The following INSIG2 variants were observed in gnomAD, a reference collection of about 807,000 sequenced individuals.
INSIG2 encodes the protein insulin-induced gene 2 protein.
INSIG2 carries 10 observed loss-of-function variants against 27.2 expected under a neutral mutation model. That is an observed-to-expected ratio of 0.37 (90% confidence interval 0.23 to 0.62). The LOEUF is 0.62. Ranked by LOEUF, INSIG2 falls within the 20% of genes least tolerant of loss-of-function variation. The pLI, the probability that INSIG2 is intolerant of heterozygous loss-of-function variation, is 0.65. For missense variants in INSIG2, 178 were observed against 270.2 expected (o/e 0.66, Z 2.39); for synonymous variants, 97 against 95.8 (o/e 1.01, Z -0.07).
chr2:118,108,301 A>AG lies in INSIG2; in HGVS notation c.658dup (p.Glu220GlyfsTer27). On this transcript the variant is annotated frameshift_variant, in exon 6 of 6. Transcript: ENST00000245787. LOFTEE classifies it high-confidence loss of function. ...TGCAGTACGAATGTAAAGTTATCGCAGAAAAATCTCATCAGGAATGAAGAA... is the reference window on the plus strand; with the variant it reads ...TGCAGTACGAATGTAAAGTTATCGCAGGAAAAATCTCATCAGGAATGAAGAA... 1.3e-6 allele frequency: 2 copies of AG among 1,596,162 alleles called. No individual in the cohort carries two copies. Among genetic ancestry groups the AG allele is most frequent in the Non-Finnish European group, 1.7e-6 (2 of 1,171,810 alleles).
rs898936586 is a variant in INSIG2 at position 118,096,401 on chromosome 2, T to G, written c.-138-18T>G. Reference sequence around the variant, plus strand: ...TGTATTAGATACACATTAATTTCTTTTTTCTTATCTCTTGCAGGATTTCTG... The same window carrying G: ...TGTATTAGATACACATTAATTTCTTGTTTCTTATCTCTTGCAGGATTTCTG... On this transcript the variant is annotated intron_variant, in intron 1 of 5. Coordinates refer to ENST00000245787, the MANE Select transcript of INSIG2 (RefSeq NM_016133.4). 7.7e-6 allele frequency: 5 copies of G among 650,420 alleles called. No homozygotes were observed. The African/African-American group carries it at 9.1e-5, about 12-fold the overall frequency. 40.3% of individuals were successfully genotyped at this position (650,420 alleles called of 1,614,324 possible).
intron 3 of INSIG2, among the ~76,000 whole-genome samples, chr2:118,104,917 G>A (rs1040285095): frequency 6.6e-6 from 1 of 152,146 alleles, no homozygotes; most frequent in African/African-American, 2.4e-5. Context: ...CTTTCTCAAT[G>A]AAATACTTAA....
intron 1 of INSIG2, among the ~76,000 whole-genome samples, chr2:118,092,932 GATT>G (rs377561223): frequency 7.8e-4 from 109 of 140,152 alleles, no homozygotes; most frequent in Middle Eastern, 3.8e-3. Context: ...AAAGCAACCA[GATT>G]ATGATGATGA....
Position 118,108,729 on chromosome 2 carries a change from G to C in INSIG2, c.*407G>C, listed in dbSNP as rs1379820310. The C allele has an allele frequency of 6.5e-6, 1 of 153,842 alleles. No homozygotes were observed. The highest frequency in any genetic ancestry group is 1.9e-4 in the East Asian group (1 of 5,246). The allele number at this position is 153,842 out of a possible 1,614,324, so 9.5% of individuals were successfully genotyped here. ...TTGTAGACTTAGTGAAATAAAATAA[G>C]AGGAAAGCCAAAAACAAACAAACAA... On this transcript the variant is annotated 3_prime_UTR_variant, in exon 6 of 6. Coordinates refer to ENST00000245787, the MANE Select transcript of INSIG2 (RefSeq NM_016133.4).
Position 118,101,726 on chromosome 2 carries a change from C to G in INSIG2, c.245-1471C>G, listed in dbSNP as rs370550831. 2.0e-5 allele frequency among the ~76,000 whole-genome samples: 3 copies of G among 152,224 alleles called. No individual in the cohort carries two copies. In the East Asian group the frequency reaches 5.8e-4, roughly 29 times the overall value. ...TTAAAATCCTGTCAGTTAATCTTGT[C>G]AGGATTTTGGAGCAGATTTTTAAAT... is the stretch of plus-strand genomic sequence containing the variant. On this transcript the variant is annotated intron_variant, in intron 2 of 5. Transcript: ENST00000245787.
intron 2 of INSIG2, among the ~76,000 whole-genome samples, chr2:118,097,645 A>G (rs1387270264): frequency 6.6e-6 from 1 of 152,218 alleles, no homozygotes; most frequent in Non-Finnish European, 1.5e-5. Flanking sequence ...TTTTCTAATG[A>G]CCAAGACCAA....
Position 118,106,744 on chromosome 2 carries a change from A to T in INSIG2, c.377A>T (p.Asp126Val). The T allele has an allele frequency of 6.2e-7, 1 of 1,613,088 alleles. No individual in the cohort carries two copies. Among genetic ancestry groups the T allele is most frequent in the Non-Finnish European group, 8.5e-7 (1 of 1,179,454 alleles). ...VGINHASAKVDFDNNIQLSLT... is the reference protein window; with the variant it reads ...VGINHASAKVVFDNNIQLSLT... ...TCTTAACACTGATCTCAGAAAGTGG[A>T]TTTCGATAACAACATACAGTTGTCT... The change falls in exon 4 of 6, where the codon GAT (aspartate) becomes GTT (valine). Residue 126 changes from aspartate (D) to valine (V), a missense_variant. Physicochemically the swap from Asp to Val is radical, Grantham distance 152. Transcript: ENST00000245787.
In INSIG2 at chr2:118,110,846, C is replaced by T. The variant is rs911708227; in HGVS notation, c.*2524C>T. The T allele has an allele frequency of 2.6e-5, 4 of 152,134 alleles. No homozygotes were observed. In the South Asian group the frequency reaches 8.3e-4, roughly 31 times the overall value. The allele number at this position is 152,134 out of a possible 1,614,324, so 9.4% of individuals were successfully genotyped here. On this transcript the variant is annotated 3_prime_UTR_variant, in exon 6 of 6. Transcript: ENST00000245787. Reference sequence around the variant, plus strand: ...CAAATTAGCCAGAGCCCTGCTAAAACTTTTAATGTAAAATTTATTTATTTG... The same window carrying T: ...CAAATTAGCCAGAGCCCTGCTAAAATTTTTAATGTAAAATTTATTTATTTG...
chr2:118,099,418 A>G (rs1678488942), intron 2 of INSIG2, among the ~76,000 whole-genome samples: 1 of 152,234 alleles, frequency 6.6e-6, no homozygotes, highest in African/African-American at 2.4e-5. Flanking sequence ...TGGGACAACT[A>G]ATAGAGAACT....
Position 118,100,439 on chromosome 2 carries a change from C to T in INSIG2, c.245-2758C>T, listed in dbSNP as rs374385290. Among the ~76,000 whole-genome samples the T allele has an allele frequency of 7.4e-5, 9 of 122,010 alleles. No individual in the cohort carries two copies. In the East Asian group the frequency reaches 1.6e-3, roughly 22 times the overall value. 80.0% of individuals were successfully genotyped at this position (122,010 alleles called of 152,430 possible). A position where few individuals can be genotyped will look rare whatever the true frequency, so the allele number is the denominator to read the frequency against. On this transcript the variant is annotated intron_variant, in intron 2 of 5. Transcript: ENST00000245787. ...CGTCACCTGGGCTGGAGTGCAGTGG[C>T]GCCATCTCGGCTTACTGCAACCTCC...
Position 118,092,655 on chromosome 2 carries a change from G to T in INSIG2, c.-138-3764G>T, listed in dbSNP as rs949805105. On this transcript the variant is annotated intron_variant, in intron 1 of 5. Coordinates refer to ENST00000245787, the MANE Select transcript of INSIG2 (RefSeq NM_016133.4). The stretch of plus-strand genomic sequence containing the variant: ...GATACTGCATGTCATGTGACCATAA[G>T]CAAATTGCTGAATCTCTTTGACTTG... 4.6e-5 allele frequency among the ~76,000 whole-genome samples: 7 copies of T among 152,182 alleles called. No individual in the cohort carries two copies. In the East Asian group the frequency reaches 1.3e-3, roughly 29 times the overall value.
intron 1 of INSIG2, 110 bp downstream of exon 1, chr2:118,088,651 G>A (rs1678146895): frequency 6.5e-6 from 1 of 153,374 alleles, no homozygotes. Flanking sequence ...TTGCAGCCTG[G>A]GAACCCTGGT....
chr2:118,103,097 A>C, intron 2 of INSIG2, 100 bp from the exon 3 acceptor site: 1 of 964,304 alleles, frequency 1.0e-6, no homozygotes, highest in Non-Finnish European at 1.4e-6. Flanking sequence ...TTTTTTTAAG[A>C]ATCTTTAAAA....
intron 3 of INSIG2, 140 bp from the exon 4 acceptor site, chr2:118,106,597 A>C: frequency 1.6e-6 from 1 of 630,808 alleles, no homozygotes; most frequent in Middle Eastern, 3.5e-4. Context: ...CTAGCTTCAT[A>C]CATTGTACTA....
intron 1 of INSIG2, among the ~76,000 whole-genome samples, chr2:118,092,185 A>G (rs1229213889): frequency 6.6e-6 from 1 of 152,194 alleles, no homozygotes; most frequent in Non-Finnish European, 1.5e-5. Flanking sequence ...CGCTGTCTCA[A>G]TGTGGGTTAC....
At chr2:118,092,236 G>C (rs1678270816) in intron 1 of INSIG2, among the ~76,000 whole-genome samples, 1 of 152,226 alleles carries the variant, frequency 6.6e-6, no homozygotes, top group Non-Finnish European at 1.5e-5. Context: ...AGCAGCACGT[G>C]AGGGCAACGT....
intron 1 of INSIG2, among the ~76,000 whole-genome samples, chr2:118,091,696 G>A (rs1678236100): frequency 6.6e-6 from 1 of 152,078 alleles, no homozygotes; most frequent in African/African-American, 2.4e-5. Flanking sequence ...TTAGCTTTTT[G>A]AATCTCATTC....
At chr2:118,108,235 A>G (rs1228692280) in intron 5 of INSIG2, 46 bp from the exon 6 acceptor site, 2 of 1,336,922 alleles carry the variant, frequency 1.5e-6, no homozygotes, top group Middle Eastern at 1.9e-4. Context: ...TTGCTATTCA[A>G]AAGAAGTCTT....
At chr2:118,092,521 G>T (rs2551665) in intron 1 of INSIG2, among the ~76,000 whole-genome samples, 1 of 151,990 alleles carries the variant, frequency 6.6e-6, no homozygotes, top group South Asian at 2.1e-4. Context: ...CTTTTATATA[G>T]AACCATCTGC....
Sources: gnomAD v4.1 joint callset for allele counts (sites outside exome capture counted in the v4.1 genomes callset) on GRCh38, gnomAD v4.1.1 for gene constraint, MANE v1.5 for transcripts, NCBI Gene and HGNC (gene_info 2026-07-23, HGNC 2026-07-21) for gene names.